Variants in JAK2 observed in about 807,000 individuals in gnomAD.
JAK2 encodes the protein tyrosine-protein kinase JAK2.
Under a neutral mutation model 139.3 loss-of-function variants are expected in JAK2, and 86 were observed. That is an observed-to-expected ratio of 0.62 (90% CI 0.52 to 0.74). The LOEUF (loss-of-function observed/expected upper bound fraction) is 0.74, where lower values mean the gene tolerates loss of function less well. Ranked by LOEUF, JAK2 falls within the 30% of genes least tolerant of loss-of-function variation. The pLI is 0.00. For synonymous variants in JAK2, 490 were observed against 437.7 expected (o/e 1.12, Z -1.49); for missense variants, 1,421 against 1,360.3 (o/e 1.04, Z -0.70).
At chr9:5,001,738 T>C (rs1323483439) in intron 2 of JAK2, among the ~76,000 whole-genome samples, 1 of 152,110 alleles carries the variant, frequency 6.6e-6, no homozygotes, top group African/African-American at 2.4e-5. Flanking sequence ...TAAGAGTTTA[T>C]ACAGAATTGG....
chr9:5,083,249 T>C lies in JAK2; in HGVS notation c.2571+1388T>C, dbSNP rs570210335. On this transcript the variant is annotated intron_variant, in intron 19 of 24. Coordinates refer to ENST00000381652, the MANE Select transcript of JAK2 (RefSeq NM_004972.4). Reference sequence around the variant, plus strand: ...GGTCTAGGATTTTGACTGTGCCATATTCACTAGCAGAGACTCTGTCTATTA... The same window carrying C: ...GGTCTAGGATTTTGACTGTGCCATACTCACTAGCAGAGACTCTGTCTATTA... 1.6e-4 allele frequency among the ~76,000 whole-genome samples: 25 copies of C among 152,334 alleles called. 1 individual carries two copies. The South Asian group carries it at 5.2e-3, about 32-fold the overall frequency.
rs537370625 is a variant in JAK2, at chr9:5,112,423, C to T, written c.3060-10581C>T. The T allele has an allele frequency of 4.2e-4, 205 of 492,310 alleles. 2 individuals are homozygous for T. The South Asian group carries it at 4.7e-3, about 11-fold the overall frequency. The allele number at this position is 492,310 out of a possible 1,614,324, so 30.5% of individuals were successfully genotyped here. A position where few individuals can be genotyped will look rare whatever the true frequency, so the allele number is the denominator to read the frequency against. ...GAGGAGGATGAGGAGAACACGTCGGCGGCTGACCACTCAAGAGGAGAAGAA... is the reference window on the plus strand; with the variant it reads ...GAGGAGGATGAGGAGAACACGTCGGTGGCTGACCACTCAAGAGGAGAAGAA... On this transcript the variant is annotated intron_variant, in intron 22 of 24. Coordinates refer to ENST00000381652, the MANE Select transcript of JAK2 (RefSeq NM_004972.4).
intron 8 of JAK2, among the ~76,000 whole-genome samples, chr9:5,057,211 GTTGT>G (rs1322016822): frequency 1.3e-5 from 2 of 149,574 alleles, no homozygotes; most frequent in South Asian, 2.1e-4. Flanking sequence ...TGCTTTTTCT[GTTGT>G]TTATTAAAAT....
intron 22 of JAK2, chr9:5,114,624 G>A: frequency 2.1e-6 from 1 of 484,798 alleles, no homozygotes; most frequent in Non-Finnish European, 4.1e-6. Context: ...GCAGCTCCCG[G>A]ACACTTGGCA....
chr9:4,999,655 T>A (rs1348043396), intron 2 of JAK2, among the ~76,000 whole-genome samples: 1 of 152,042 alleles, frequency 6.6e-6, no homozygotes, highest in East Asian at 1.9e-4. Context: ...GAACTTGGAG[T>A]CTGATGTTCA....
chr9:5,035,250 C>T (rs905644294), intron 4 of JAK2, among the ~76,000 whole-genome samples: 2 of 152,108 alleles, frequency 1.3e-5, no homozygotes, highest in African/African-American at 4.8e-5. Flanking sequence ...AATAGTTTAC[C>T]AACCAAAAAA....
intron 2 of JAK2, among the ~76,000 whole-genome samples, chr9:5,016,511 A>T (rs1822070105): frequency 6.6e-6 from 1 of 152,226 alleles, no homozygotes. Flanking sequence ...CAAAATTAAA[A>T]ATTGAAAAAT....
chr9:4,995,209 T>C (rs1393690924), intron 2 of JAK2, among the ~76,000 whole-genome samples: 3 of 152,216 alleles, frequency 2.0e-5, no homozygotes, highest in African/African-American at 4.8e-5. Context: ...TTGGCCCACT[T>C]TCTATTGGAT....
At chr9:5,117,758 G>A (rs1321634345) in intron 22 of JAK2, among the ~76,000 whole-genome samples, 3 of 151,746 alleles carry the variant, frequency 2.0e-5, no homozygotes, top group Non-Finnish European at 4.4e-5. Flanking sequence ...AAAGTTTTTT[G>A]GCAACCTCAG....
chr9:5,088,841 CT>C (rs995797404), intron 19 of JAK2, among the ~76,000 whole-genome samples: 13 of 152,064 alleles, frequency 8.5e-5, no homozygotes, highest in African/African-American at 3.1e-4. Flanking sequence ...GAGTTCCACC[CT>C]TATAACCTAA....
chr9:5,070,535 C>T (rs1260004553), intron 12 of JAK2, among the ~76,000 whole-genome samples: 1 of 151,894 alleles, frequency 6.6e-6, no homozygotes, highest in Admixed American at 6.6e-5. Flanking sequence ...GGTTTTGCAT[C>T]CTATGAACAC....
chr9:5,042,292 C>T (rs924182876), intron 4 of JAK2, among the ~76,000 whole-genome samples: 2 of 151,780 alleles, frequency 1.3e-5, no homozygotes, highest in Middle Eastern at 3.4e-3. Flanking sequence ...CGCCCGCCAC[C>T]GCGCCCGGCT....
At chr9:5,043,886 C>T (rs908618075) in intron 4 of JAK2, among the ~76,000 whole-genome samples, 1 of 152,132 alleles carries the variant, frequency 6.6e-6, no homozygotes, top group Non-Finnish European at 1.5e-5. Context: ...GATATTTGTA[C>T]AATGCTATGA....
chr9:5,004,882 G>C (rs1431285637), intron 2 of JAK2, among the ~76,000 whole-genome samples: 1 of 148,392 alleles, frequency 6.7e-6, no homozygotes, highest in South Asian at 2.1e-4. Context: ...GATGTTGAAC[G>C]TTTTTTCATG....
chr9:5,064,815 A>G, intron 8 of JAK2, 68 bp from the exon 9 acceptor site: 2 of 1,244,630 alleles, frequency 1.6e-6, no homozygotes, highest in South Asian at 1.8e-5. Flanking sequence ...GAATGAAGAA[A>G]ATTTTCAATA....
Position 5,080,354 on chromosome 9 carries a change from C to T in JAK2, c.2257C>T (p.Pro753Ser). The stretch of plus-strand genomic sequence containing the variant: ...GGAAATCTGCAGTGGAGGAGATAAA[C>T]CTCTAAGTGCTCTGGATTCTCAAAG... ...LWEICSGGDK[P>S]LSALDSQRKL... The change falls in exon 17 of 25, where the codon CCT (proline) becomes TCT (serine). Residue 753 changes from proline (P) to serine (S), a missense_variant. Pro to Ser is a moderately conservative substitution (Grantham distance 74, BLOSUM62 -1). Coordinates refer to ENST00000381652, the MANE Select transcript of JAK2 (RefSeq NM_004972.4). The T allele has an allele frequency of 6.2e-7, 1 of 1,613,310 alleles. No homozygotes were observed. The highest frequency in any genetic ancestry group is 1.1e-5 in the South Asian group (1 of 90,972).
At chr9:5,112,114 G>C (rs900360817) in intron 22 of JAK2, 3 of 329,074 alleles carry the variant, frequency 9.1e-6, no homozygotes, top group South Asian at 2.4e-5. Context: ...GGGCATCCAC[G>C]TGCTCTGCAG....
intron 19 of JAK2, among the ~76,000 whole-genome samples, chr9:5,088,428 C>G (rs999663236): frequency 2.0e-5 from 3 of 152,096 alleles, no homozygotes; most frequent in African/African-American, 7.2e-5. Context: ...CCAAAATACA[C>G]TAATTTGATT....
chr9:5,041,577 G>A (rs557033142), intron 4 of JAK2: 2 of 510,022 alleles, frequency 3.9e-6, no homozygotes. Flanking sequence ...CCTGCACTAC[G>A]TGCGGCGCCT....
Sources: allele counts gnomAD v4.1 joint callset (sites outside exome capture counted in the v4.1 genomes callset), GRCh38; gene constraint gnomAD v4.1.1; transcripts MANE v1.5; gene names NCBI Gene and HGNC (gene_info 2026-07-23, HGNC 2026-07-21).